CHIC2: variants seen among roughly 807,000 people sequenced by gnomAD.
The protein encoded by CHIC2 is cysteine-rich hydrophobic domain-containing protein 2.
In CHIC2, 14 loss-of-function variants were observed where a neutral mutation model predicts 25.9. That is an observed-to-expected ratio of 0.54 (90% CI 0.36 to 0.85). The LOEUF is 0.85. CHIC2 is among the 40% of genes least tolerant of loss of function. The pLI is 0.01. For synonymous variants in CHIC2, 70 were observed against 72.0 expected (o/e 0.97, Z 0.14); for missense variants, 146 against 202.0 (o/e 0.72, Z 1.68).
chr4:54,066,949 A>G (rs1717532061), upstream of CHIC2, among the ~76,000 whole-genome samples: 1 of 152,252 alleles, frequency 6.6e-6, no homozygotes. Context: ...CAAAGTATCT[A>G]AATCATCACA....
chr4:54,050,383 T>C (rs1486107745), intron 1 of CHIC2, among the ~76,000 whole-genome samples: 2 of 152,120 alleles, frequency 1.3e-5, no homozygotes, highest in East Asian at 3.9e-4. Context: ...TCTATAGTCA[T>C]AACTCTGCAA....
intron 3 of CHIC2, among the ~76,000 whole-genome samples, chr4:54,015,272 C>G (rs1456379809): frequency 6.6e-6 from 1 of 152,116 alleles, no homozygotes; most frequent in Non-Finnish European, 1.5e-5. Flanking sequence ...AAATCAACTA[C>G]TTCCCTGGGT....
At chr4:54,037,672 T>C (rs560151784) in intron 3 of CHIC2, among the ~76,000 whole-genome samples, 5 of 152,252 alleles carry the variant, frequency 3.3e-5, no homozygotes, top group African/African-American at 9.6e-5. Context: ...GGCTGTAAAA[T>C]AAAACACATT....
chr4:54,053,761 T>C (rs1391941282), intron 1 of CHIC2, among the ~76,000 whole-genome samples: 2 of 152,124 alleles, frequency 1.3e-5, no homozygotes, highest in African/African-American at 4.8e-5. Flanking sequence ...CAGAAATGTA[T>C]AGTTCCTGCT....
intron 3 of CHIC2, among the ~76,000 whole-genome samples, chr4:54,044,870 T>G (rs1281534092): frequency 2.0e-5 from 3 of 151,962 alleles, no homozygotes; most frequent in Non-Finnish European, 4.4e-5. Flanking sequence ...GCTGGTTTTT[T>G]GAAAAGATCA....
chr4:54,050,662 C>A (rs1344107394), intron 1 of CHIC2, among the ~76,000 whole-genome samples: 2 of 152,062 alleles, frequency 1.3e-5, no homozygotes, highest in East Asian at 3.9e-4. Context: ...CAAAAACTTA[C>A]CACTGTGTTA....
intron 3 of CHIC2, among the ~76,000 whole-genome samples, chr4:54,026,906 CATG>C (rs1243458056): frequency 6.6e-6 from 1 of 152,088 alleles, no homozygotes; most frequent in Non-Finnish European, 1.5e-5. Flanking sequence ...CAAGGCCATT[CATG>C]ATTTTATAAT....
At chr4:54,052,021 T>C (rs1039631389) in intron 1 of CHIC2, among the ~76,000 whole-genome samples, 2 of 152,212 alleles carry the variant, frequency 1.3e-5, no homozygotes, top group African/African-American at 4.8e-5. Flanking sequence ...TTCTTTCATA[T>C]AGCATGCTTT....
chr4:54,064,196 G>C lies in CHIC2; in HGVS notation c.105C>G (p.Ser35=). 2 of 1,603,922 alleles carry C rather than the reference G, an allele frequency of 1.2e-6. No individual in the cohort carries two copies. Among genetic ancestry groups the C allele is most frequent in the Non-Finnish European group, 1.7e-6 (2 of 1,175,428 alleles). ...YSPDPVVVRG[S]GHVTVFGLSN... ...CCGGGCCTTACACGGTGACGTGACC[G>C]GAGCCGCGGACGACCACCGGGTCCG... The change falls in exon 1 of 6, where the codon TCC becomes TCG. Residue 35 remains serine, a synonymous_variant. Transcript: ENST00000263921. The surrounding 1 kb of genome is among the most constrained non-coding windows in gnomAD (Gnocchi z 4.2).
At chr4:54,036,128 T>G (rs868521523) in intron 3 of CHIC2, among the ~76,000 whole-genome samples, 2 of 152,228 alleles carry the variant, frequency 1.3e-5, no homozygotes, top group South Asian at 2.1e-4. Context: ...AAGAACTATC[T>G]CAGTGATCTG....
At position 54,058,559 on chromosome 4, in the gene CHIC2, T is replaced by TACACACACACAC. The variant is rs36034143; in HGVS notation, c.119+5611_119+5622dup. On this transcript the variant is annotated intron_variant, in intron 1 of 5. Coordinates refer to ENST00000263921, the MANE Select transcript of CHIC2 (RefSeq NM_012110.4). ...AGTCACATACACACATACACACACA[T>TACACACACACAC]ACACACACACACACACACACACACA... 1.5e-3 allele frequency among the ~76,000 whole-genome samples: 207 copies of TACACACACACAC among 138,552 alleles called. 1 individual carries two copies. The highest frequency in any genetic ancestry group is 4.6e-3 in the African/African-American group (174 of 38,160). The allele number at this position is 138,552 out of a possible 152,430, so 90.9% of individuals were successfully genotyped here. A position where few individuals can be genotyped will look rare whatever the true frequency, so the allele number is the denominator to read the frequency against.
Position 54,064,127 on chromosome 4 carries a change from T to G in CHIC2, c.119+55A>C. The G allele has an allele frequency of 6.7e-7, 1 of 1,483,692 alleles. No homozygotes were observed. Among genetic ancestry groups the G allele is most frequent in the Non-Finnish European group, 9.2e-7 (1 of 1,082,502 alleles). 91.9% of individuals were successfully genotyped at this position (1,483,692 alleles called of 1,614,324 possible). A position where few individuals can be genotyped will look rare whatever the true frequency, so the allele number is the denominator to read the frequency against. ...CAGGGGAAACGGGGCTCCCGTGGAGTAACGGGGCCCACCCCAGCCCGCACC... is the reference window on the plus strand; with the variant it reads ...CAGGGGAAACGGGGCTCCCGTGGAGGAACGGGGCCCACCCCAGCCCGCACC... On this transcript the variant is annotated intron_variant, in intron 1 of 5. Transcript: ENST00000263921. This position sits in a 1 kb window ranked among gnomAD's most constrained non-coding sequence, Gnocchi z 4.2.
At chr4:54,077,452 C>T in the CHIC2 span, among the ~76,000 whole-genome samples, 1 of 152,158 alleles carries the variant, frequency 6.6e-6, no homozygotes, top group African/African-American at 2.4e-5. Context: ...AATGGTCATT[C>T]ATTCAGACTT....
At chr4:54,064,634 G>A, upstream of CHIC2, 3 of 1,083,532 alleles carry the variant, frequency 2.8e-6, no homozygotes, top group South Asian at 3.7e-5. This position sits in a 1 kb window ranked among gnomAD's most constrained non-coding sequence, Gnocchi z 4.2. Context: ...ACCCGCAGCG[G>A]GAGCAGCCGG....
intron 3 of CHIC2, among the ~76,000 whole-genome samples, chr4:54,016,438 A>AAAT (rs1160877462): frequency 2.0e-5 from 3 of 152,168 alleles, no homozygotes; most frequent in African/African-American, 7.2e-5. Context: ...AAAATATTTA[A>AAAT]GTAGGAATTC....
At chr4:54,084,959 C>CAAAAAAAAAAAAAAAAAAAAAAAA in the CHIC2 span, among the ~76,000 whole-genome samples, 15 of 58,922 alleles carry the variant, frequency 2.5e-4, no homozygotes, top group Non-Finnish European at 2.9e-4. Context: ...TGCTCTGTCT[C>CAAAAAAAAAAAAAAAAAAAAAAAA]AAAAAAAAAA....
chr4:54,084,181 C>T, the CHIC2 span, among the ~76,000 whole-genome samples: 25 of 152,186 alleles, frequency 1.6e-4, no homozygotes, highest in Admixed American at 4.6e-4. Context: ...GTGCCCAGCC[C>T]GGGGTCTAGT....
the CHIC2 span, among the ~76,000 whole-genome samples, chr4:54,089,310 G>C: frequency 6.6e-6 from 1 of 151,030 alleles, no homozygotes; most frequent in Non-Finnish European, 1.5e-5. Flanking sequence ...TAAAAATTTT[G>C]GTTTTAAACA....
At chr4:54,064,744 T>C (rs1164658098), upstream of CHIC2, 2 of 744,664 alleles carry the variant, frequency 2.7e-6, no homozygotes, top group East Asian at 2.3e-4. This position sits in a 1 kb window ranked among gnomAD's most constrained non-coding sequence, Gnocchi z 4.2. Context: ...CGCGCGCACG[T>C]GCGGCCTCGC....
Sources: allele counts gnomAD v4.1 joint callset (sites outside exome capture counted in the v4.1 genomes callset), GRCh38; gene constraint gnomAD v4.1.1; non-coding constraint Gnocchi (gnomAD v3.1); transcripts MANE v1.5; gene names NCBI Gene and HGNC (gene_info 2026-07-23, HGNC 2026-07-21).